Variants in USP48 observed in about 807,000 individuals in gnomAD.
The protein encoded by USP48 is ubiquitin specific peptidase 48.
USP48 carries 43 observed loss-of-function variants against 150.7 expected under a neutral mutation model. That is an observed-to-expected ratio of 0.29 (90% CI 0.22 to 0.37). The LOEUF is 0.37. Among genes scored for constraint, USP48 ranks in the 10% least tolerant of loss-of-function variants. USP48 has a pLI of 1.00. For synonymous variants in USP48, 396 were observed against 425.9 expected (o/e 0.93, Z 0.86); for missense variants, 813 against 1,249.6 (o/e 0.65, Z 5.27).
intron 9 of USP48, among the ~76,000 whole-genome samples, chr1:21,734,701 A>C (rs1221373200): frequency 1.3e-5 from 2 of 152,206 alleles, no homozygotes. Context: ...ATATGACCAC[A>C]CTTGTGAGTC....
At chr1:21,714,789 T>G (rs2097699904) in intron 15 of USP48, among the ~76,000 whole-genome samples, 1 of 152,198 alleles carries the variant, frequency 6.6e-6, no homozygotes, top group African/African-American at 2.4e-5. Flanking sequence ...GGATTTAGAA[T>G]TTAGCTTTTT....
intron 2 of USP48, 150 bp from the exon 3 acceptor site, chr1:21,756,852 T>C: frequency 7.0e-7 from 1 of 1,423,008 alleles, no homozygotes; most frequent in Non-Finnish European, 9.1e-7. Flanking sequence ...TGGCTGGAGG[T>C]GGGGCATAAT....
intron 1 of USP48, among the ~76,000 whole-genome samples, chr1:21,773,602 A>G (rs547845838): frequency 1.3e-5 from 2 of 152,342 alleles, no homozygotes; most frequent in African/African-American, 4.8e-5. Flanking sequence ...CTGGGAATAG[A>G]AATGCTTTGT....
intron 19 of USP48, among the ~76,000 whole-genome samples, chr1:21,704,986 C>T (rs1285107791): frequency 6.6e-6 from 1 of 150,834 alleles, no homozygotes; most frequent in Non-Finnish European, 1.5e-5. Context: ...AGATGCACAG[C>T]GAGAGTGAGA....
intron 8 of USP48, among the ~76,000 whole-genome samples, chr1:21,739,226 A>G (rs1293777299): frequency 1.3e-5 from 2 of 151,928 alleles, no homozygotes; most frequent in African/African-American, 4.8e-5. Context: ...GTTTTTTTTT[A>G]ATTGACAAAC....
chr1:21,751,408 C>A (rs1422592465), intron 6 of USP48, 99 bp downstream of exon 6: 6 of 884,296 alleles, frequency 6.8e-6, no homozygotes, highest in African/African-American at 6.7e-5. Flanking sequence ...AAAGCTGACA[C>A]AATAAAAGCT....
intron 14 of USP48, among the ~76,000 whole-genome samples, chr1:21,716,180 G>A (rs1468768514): frequency 6.6e-6 from 1 of 152,016 alleles, no homozygotes; most frequent in African/African-American, 2.4e-5. Flanking sequence ...TTTAAATCAA[G>A]AACTTACTTC....
intron 22 of USP48, among the ~76,000 whole-genome samples, chr1:21,699,814 C>CCACACACA (rs10660046): frequency 3.4e-4 from 51 of 149,266 alleles, no homozygotes; most frequent in African/African-American, 1.2e-3. Flanking sequence ...CTGCGCCTGG[C>CCACACACA]CACACACACA....
intron 14 of USP48, among the ~76,000 whole-genome samples, chr1:21,720,114 C>A (rs986898526): frequency 6.6e-6 from 1 of 152,088 alleles, no homozygotes; most frequent in Non-Finnish European, 1.5e-5. Context: ...GAGGAATTTA[C>A]AAGGAAAAAG....
intron 22 of USP48, among the ~76,000 whole-genome samples, chr1:21,698,637 C>T (rs2097645097): frequency 2.6e-5 from 4 of 152,148 alleles, no homozygotes; most frequent in African/African-American, 7.2e-5. Context: ...AACTAATTTA[C>T]AAAGTTAACC....
At chr1:21,772,270 G>GA (rs1294943403) in intron 1 of USP48, among the ~76,000 whole-genome samples, 1 of 151,716 alleles carries the variant, frequency 6.6e-6, no homozygotes, top group African/African-American at 2.4e-5. Context: ...GTACCAAAAG[G>GA]AAAAAAAGCC....
At chr1:21,756,505 A>G in intron 3 of USP48, 41 bp downstream of exon 3, 1 of 1,544,704 alleles carries the variant, frequency 6.5e-7, no homozygotes, top group Non-Finnish European at 8.7e-7. Flanking sequence ...GTTTAAAAAA[A>G]TGTTCAGGAA....
At chr1:21,700,459 A>G (rs1328858022) in intron 22 of USP48, among the ~76,000 whole-genome samples, 1 of 152,182 alleles carries the variant, frequency 6.6e-6, no homozygotes, top group Non-Finnish European at 1.5e-5. Context: ...GACTCTCTCA[A>G]TCAATGTTAA....
At chr1:21,743,423 C>A (rs1211853679) in intron 8 of USP48, among the ~76,000 whole-genome samples, 2 of 152,148 alleles carry the variant, frequency 1.3e-5, no homozygotes, top group Non-Finnish European at 1.5e-5. Context: ...ACGGACTCAG[C>A]AGGATCTGGG....
At position 21,688,432 on chromosome 1, in the gene USP48, G is replaced by A. The variant is rs183502599; in HGVS notation, c.3010-1193C>T. On this transcript the variant is annotated intron_variant, in intron 24 of 26. Transcript: ENST00000308271. Reference sequence around the variant, plus strand: ...GATGGGGTTTCACCATGCTGGCCACGCTGGTCTTGAACTCCTGACCTCATG... The same window carrying A: ...GATGGGGTTTCACCATGCTGGCCACACTGGTCTTGAACTCCTGACCTCATG... Among the ~76,000 whole-genome samples, 951 of 151,806 alleles carry A rather than the reference G, an allele frequency of 6.3e-3. 10 individuals are homozygous for A. Among genetic ancestry groups the A allele is most frequent in the Non-Finnish European group, 9.8e-3 (665 of 67,910 alleles).
intron 22 of USP48, among the ~76,000 whole-genome samples, chr1:21,696,579 G>A (rs957554553): frequency 2.6e-5 from 4 of 152,148 alleles, no homozygotes; most frequent in Non-Finnish European, 5.9e-5. Context: ...ACATATCTGA[G>A]TATGGGTATT....
chr1:21,767,169 C>A (rs1012764529), intron 1 of USP48, among the ~76,000 whole-genome samples: 22 of 152,190 alleles, frequency 1.4e-4, no homozygotes, highest in African/African-American at 5.1e-4. Flanking sequence ...CCCACCTCAG[C>A]CTTCCAAATA....
intron 12 of USP48, 53 bp from the exon 13 acceptor site, chr1:21,721,817 G>A (rs1300398554): frequency 2.3e-6 from 3 of 1,331,670 alleles, no homozygotes; most frequent in African/African-American, 2.9e-5. Flanking sequence ...CAGACTTCCT[G>A]TTAGGAAAAT....
chr1:21,780,136 G>A (rs2097910797), intron 1 of USP48, among the ~76,000 whole-genome samples: 1 of 152,092 alleles, frequency 6.6e-6, no homozygotes, highest in South Asian at 2.1e-4. Flanking sequence ...CTCAAAATAA[G>A]CAAAAGGTGG....
Sources: gnomAD v4.1 joint callset for allele counts (sites outside exome capture counted in the v4.1 genomes callset) on GRCh38, gnomAD v4.1.1 for gene constraint, MANE v1.5 for transcripts, NCBI Gene and HGNC (gene_info 2026-07-23, HGNC 2026-07-21) for gene names.